Variants in PRUNE2 observed in about 807,000 individuals in gnomAD.
The protein encoded by PRUNE2 is prune homolog 2 with BCH domain.
A neutral mutation model predicts 252.0 loss-of-function variants in PRUNE2; 164 were observed. The ratio of observed to expected loss-of-function variants is 0.65; its 90% CI spans 0.57 to 0.74. PRUNE2 has a LOEUF of 0.74. Among genes scored for constraint, PRUNE2 ranks in the 30% least tolerant of loss-of-function variants. PRUNE2 has a pLI of 0.00. For synonymous variants in PRUNE2, 1,292 were observed against 1,350.2 expected, an observed-to-expected ratio of 0.96 and a Z score of 0.94; for missense variants, 3,495 against 3,711.0, an observed-to-expected ratio of 0.94 and a Z score of 1.51.
At chr9:76,895,104 GT>G (rs2062740152) in intron 1 of PRUNE2, among the ~76,000 whole-genome samples, 1 of 152,234 alleles carries the variant, frequency 6.6e-6, no homozygotes, top group African/African-American at 2.4e-5. Context: ...TAAAAGTCCT[GT>G]TTTTTCAACT....
At position 76,905,624 on chromosome 9, in the gene PRUNE2, C is replaced by G. The variant is rs73653252; in HGVS notation, c.36+304G>C. On this transcript the variant is annotated intron_variant, in intron 1 of 18. Transcript: ENST00000376718. The stretch of plus-strand genomic sequence containing the variant: ...TCAAGGAAGACCACACCCATTTATC[C>G]CTTAGCTTTCAGGAGCAAACTGCTG... 7.3e-3 allele frequency among the ~76,000 whole-genome samples: 1,112 copies of G among 152,280 alleles called. 12 individuals are homozygous for G. Among genetic ancestry groups the G allele is most frequent in the African/African-American group, 0.026 (1,071 of 41,552 alleles).
chr9:76,795,136 G>A (rs73653212), intron 6 of PRUNE2, among the ~76,000 whole-genome samples: 4,975 of 152,200 alleles, frequency 0.033, 173 homozygotes, highest in African/African-American at 0.089. Flanking sequence ...CGGATGCTGA[G>A]AGGAAGCTTT....
chr9:76,665,279 A>G (rs956632385), intron 9 of PRUNE2, among the ~76,000 whole-genome samples: 2 of 152,024 alleles, frequency 1.3e-5, no homozygotes, highest in African/African-American at 4.8e-5. Context: ...AGCCTTGCCA[A>G]TCTTGCTGTC....
chr9:76,858,501 T>C (rs2060375838), intron 1 of PRUNE2, among the ~76,000 whole-genome samples: 1 of 151,922 alleles, frequency 6.6e-6, no homozygotes, highest in Non-Finnish European at 1.5e-5. Flanking sequence ...AGCAAACTAA[T>C]ACAGGAACAG....
intron 6 of PRUNE2, among the ~76,000 whole-genome samples, chr9:76,757,389 A>C (rs1440980606): frequency 6.6e-6 from 1 of 152,124 alleles, no homozygotes; most frequent in Non-Finnish European, 1.5e-5. Flanking sequence ...GCTTTTTTTG[A>C]TTGCTTGGCT....
At chr9:76,643,387 A>G (rs1311094327) in intron 12 of PRUNE2, among the ~76,000 whole-genome samples, 4 of 152,184 alleles carry the variant, frequency 2.6e-5, no homozygotes, top group Admixed American at 2.0e-4. Flanking sequence ...TTTTGTTTCT[A>G]TTTTCAAAAA....
At chr9:76,772,632 C>T (rs550036254) in intron 6 of PRUNE2, among the ~76,000 whole-genome samples, 1 of 152,242 alleles carries the variant, frequency 6.6e-6, no homozygotes, top group East Asian at 1.9e-4. Context: ...GGTGCAATCA[C>T]AGTTCACTGT....
chr9:76,705,281 C>T lies in PRUNE2; in HGVS notation c.6993G>A (p.Thr2331=), dbSNP rs374441580. ...GCTTCCCTAGGTCCCCATCAACTGGCGTTTCCGGATGGCCTTCGGATAATG... is the reference window on the plus strand; with the variant it reads ...GCTTCCCTAGGTCCCCATCAACTGGTGTTTCCGGATGGCCTTCGGATAATG... The part of the protein sequence containing the change: ...KLTLSEGHPE[T]PVDGDLGKQD... Residue 2331 remains threonine (T), a synonymous_variant, in exon 8 of 19, where the codon ACG becomes ACA. Transcript: ENST00000376718. 1.5e-5 allele frequency: 24 copies of T among 1,614,040 alleles called. No individual in the cohort carries two copies. Among genetic ancestry groups the T allele is most frequent in the East Asian group, 8.9e-5 (4 of 44,886 alleles).
In PRUNE2 at chr9:76,711,404, C is replaced by T. The variant is rs1478463281; in HGVS notation, c.916-46G>A. On this transcript the variant is annotated intron_variant, in intron 7 of 18. Transcript: ENST00000376718. ...TTGTGTCAGCACTCAAGCACTGTTG[C>T]ACTTTGCAATTGCACTTTGCAATTT... 2.2e-6 allele frequency: 3 copies of T among 1,349,680 alleles called. No individual in the cohort carries two copies. In the South Asian group the frequency reaches 4.1e-5, roughly 18 times the overall value. 83.6% of individuals were successfully genotyped at this position (1,349,680 alleles called of 1,614,324 possible). A position where few individuals can be genotyped will look rare whatever the true frequency, so the allele number is the denominator to read the frequency against.
intron 4 of PRUNE2, among the ~76,000 whole-genome samples, chr9:76,828,758 G>A (rs1266905387): frequency 6.6e-6 from 1 of 152,138 alleles, no homozygotes; most frequent in African/African-American, 2.4e-5. Flanking sequence ...GCTCATGCCT[G>A]TAATCCCAGC....
At chr9:76,795,097 G>A (rs2055955356) in intron 6 of PRUNE2, among the ~76,000 whole-genome samples, 4 of 152,138 alleles carry the variant, frequency 2.6e-5, no homozygotes, top group Admixed American at 2.6e-4. Context: ...ATTGAATGAC[G>A]CTGGCCAGGG....
intron 6 of PRUNE2, among the ~76,000 whole-genome samples, chr9:76,805,541 G>A (rs907521625): frequency 5.3e-5 from 8 of 152,108 alleles, no homozygotes; most frequent in African/African-American, 1.2e-4. Flanking sequence ...GCTGCAGTGC[G>A]CCATGATAGT....
In PRUNE2 at chr9:76,709,540, C is replaced by T. The variant is rs182465830; in HGVS notation, c.2734G>A (p.Val912Ile). 1 of 1,613,892 alleles carries T rather than the reference C, an allele frequency of 6.2e-7. No homozygotes were observed. Among genetic ancestry groups the T allele is most frequent in the Non-Finnish European group, 8.5e-7 (1 of 1,179,898 alleles). The change falls in exon 8 of 19, where the codon GTA (valine) becomes ATA (isoleucine). Residue 912 changes from valine (V) to isoleucine (I), a missense_variant. Transcript: ENST00000376718. Reference sequence around the variant, plus strand: ...TTCCAGGAATCTACCTTTTCATATACCTTGCCCCTAGTTTTAGGATCCACT... The same window carrying T: ...TTCCAGGAATCTACCTTTTCATATATCTTGCCCCTAGTTTTAGGATCCACT... Reference protein sequence around the residue: ...GLVDPKTRGKVYEKVDSWNLF... With the variant: ...GLVDPKTRGKIYEKVDSWNLF...
At chr9:76,677,799 C>T (rs1012802485) in intron 9 of PRUNE2, among the ~76,000 whole-genome samples, 2 of 152,104 alleles carry the variant, frequency 1.3e-5, no homozygotes, top group Non-Finnish European at 2.9e-5. Context: ...CTGCAAGATC[C>T]GGGCAAATTC....
At chr9:76,817,688 T>G (rs1459187863) in intron 6 of PRUNE2, 1 of 152,226 alleles carries the variant, frequency 6.6e-6, no homozygotes, top group East Asian at 1.9e-4. Flanking sequence ...GATTGCTACA[T>G]GAGTGAAAAA....
intron 1 of PRUNE2, among the ~76,000 whole-genome samples, chr9:76,859,996 C>T (rs1357217811): frequency 1.3e-5 from 2 of 152,138 alleles, no homozygotes; most frequent in East Asian, 1.9e-4. Context: ...CCACCACGCC[C>T]GGCCTGAAGC....
chr9:76,700,867 T>C (rs183478696), intron 9 of PRUNE2, among the ~76,000 whole-genome samples: 26 of 152,252 alleles, frequency 1.7e-4, no homozygotes, highest in Admixed American at 1.1e-3. Context: ...CTATGTAAAG[T>C]GAAATAGCGC....
chr9:76,740,934 T>C (rs1344251074), intron 6 of PRUNE2, among the ~76,000 whole-genome samples: 2 of 152,196 alleles, frequency 1.3e-5, no homozygotes, highest in Non-Finnish European at 2.9e-5. Context: ...CCTACACTTA[T>C]TTAAATTAGT....
At chr9:76,829,147 G>A (rs2058522599) in intron 4 of PRUNE2, among the ~76,000 whole-genome samples, 1 of 151,950 alleles carries the variant, frequency 6.6e-6, no homozygotes, top group Non-Finnish European at 1.5e-5. Context: ...GCTAAATCAA[G>A]TTTTTAAAAA....
Sources: gnomAD v4.1 joint callset for allele counts (sites outside exome capture counted in the v4.1 genomes callset) on GRCh38, gnomAD v4.1.1 for gene constraint, MANE v1.5 for transcripts, NCBI Gene and HGNC (gene_info 2026-07-23, HGNC 2026-07-21) for gene names.